The following NPAS3 variants were observed in gnomAD, a reference collection of about 807,000 sequenced individuals.
NPAS3 encodes the protein neuronal PAS domain-containing protein 3.
NPAS3 carries 14 observed loss-of-function variants against 73.1 expected under a neutral mutation model. That is an observed-to-expected ratio of 0.19 (90% CI 0.13 to 0.30). The LOEUF (loss-of-function observed/expected upper bound fraction) is 0.30, where lower values mean the gene tolerates loss of function less well. NPAS3 is among the 10% of genes least tolerant of loss of function. The pLI, the probability that NPAS3 is intolerant of heterozygous loss-of-function variation, is 1.00. For missense variants in NPAS3, 1,096 were observed against 1,250.0 expected (o/e 0.88, Z 1.86); for synonymous variants, 620 against 541.5 (o/e 1.14, Z -2.01).
intron 2 of NPAS3, among the ~76,000 whole-genome samples, chr14:33,151,910 G>A (rs1450126330): frequency 2.0e-5 from 3 of 152,268 alleles, no homozygotes; most frequent in Admixed American, 6.5e-5. Flanking sequence ...TCCAGAGACT[G>A]AGCGTATACA....
intron 7 of NPAS3, among the ~76,000 whole-genome samples, chr14:33,753,910 A>C (rs1019766647): frequency 8.5e-5 from 13 of 152,126 alleles, no homozygotes; most frequent in African/African-American, 3.1e-4. Context: ...CACAGTTCCC[A>C]GTGCCAGGGG....
At chr14:33,259,871 T>A (rs892522085) in intron 3 of NPAS3, among the ~76,000 whole-genome samples, 9 of 138,730 alleles carry the variant, frequency 6.5e-5, no homozygotes, top group East Asian at 2.1e-4. Context: ...TTTTTTTTTT[T>A]GAGAGAGCAA....
intron 2 of NPAS3, among the ~76,000 whole-genome samples, chr14:33,090,675 T>C (rs540296238): frequency 1.3e-5 from 2 of 152,184 alleles, no homozygotes; most frequent in South Asian, 4.1e-4. Context: ...AACTCTCCAC[T>C]CCAAATCAAC....
At chr14:33,004,572 C>A (rs772135631) in intron 1 of NPAS3, among the ~76,000 whole-genome samples, 1 of 152,036 alleles carries the variant, frequency 6.6e-6, no homozygotes, top group Non-Finnish European at 1.5e-5. Context: ...CATTATTGTA[C>A]ATTACTCCAG....
intron 1 of NPAS3, among the ~76,000 whole-genome samples, chr14:33,015,230 A>C (rs10148943): frequency 0.11 from 16,079 of 152,252 alleles, 1,493 homozygotes; most frequent in African/African-American, 0.25. Context: ...GGTTTGAGAC[A>C]AACTGTCTTC....
intron 9 of NPAS3, among the ~76,000 whole-genome samples, chr14:33,783,373 C>T (rs1273392305): frequency 6.6e-6 from 1 of 152,092 alleles, no homozygotes; most frequent in Non-Finnish European, 1.5e-5. Context: ...CTGGACTCTT[C>T]CCAGAGCAAG....
At chr14:33,095,224 A>G (rs886192807) in intron 2 of NPAS3, among the ~76,000 whole-genome samples, 6 of 152,162 alleles carry the variant, frequency 3.9e-5, no homozygotes, top group Non-Finnish European at 7.4e-5. Context: ...TAGGAGTGCA[A>G]TGAGTGTGTG....
At chr14:32,998,731 T>C (rs1030030363) in intron 1 of NPAS3, among the ~76,000 whole-genome samples, 3 of 152,164 alleles carry the variant, frequency 2.0e-5, no homozygotes, top group Non-Finnish European at 4.4e-5. Context: ...AAACACTTTG[T>C]TATTGTTGTT....
intron 5 of NPAS3, chr14:33,578,473 C>A (rs2056535800): frequency 2.7e-5 from 9 of 333,632 alleles, no homozygotes; most frequent in South Asian, 1.9e-4. Context: ...GGATTACAGG[C>A]ATAAGACACC....
chr14:33,247,166 C>G (rs536128592), intron 3 of NPAS3, among the ~76,000 whole-genome samples: 93 of 150,892 alleles, frequency 6.2e-4, no homozygotes, highest in African/African-American at 1.7e-3. Context: ...TACATTCTAT[C>G]TTAGAATATA....
intron 4 of NPAS3, among the ~76,000 whole-genome samples, chr14:33,545,355 G>C (rs910646124): frequency 2.0e-5 from 3 of 152,130 alleles, no homozygotes; most frequent in Admixed American, 1.3e-4. Flanking sequence ...AGGGTCCCAA[G>C]TCAAGTAATA....
intron 2 of NPAS3, among the ~76,000 whole-genome samples, chr14:33,196,130 G>A (rs566104328): frequency 3.2e-4 from 48 of 151,252 alleles, no homozygotes; most frequent in African/African-American, 1.1e-3. Flanking sequence ...CTTGTAGATC[G>A]TATTTGATTC....
chr14:32,993,792 A>G (rs1258011136), intron 1 of NPAS3, among the ~76,000 whole-genome samples: 1 of 152,236 alleles, frequency 6.6e-6, no homozygotes, highest in African/African-American at 2.4e-5. Context: ...GAAAATGGAA[A>G]AAAAATAAGA....
rs143602616 is a variant in NPAS3 at position 33,260,724 on chromosome 14, T to C, written c.385+45298T>C. 4.4e-3 allele frequency among the ~76,000 whole-genome samples: 669 copies of C among 152,300 alleles called. 3 individuals carry two copies. The highest frequency in any genetic ancestry group is 0.015 in the African/African-American group (637 of 41,564). On this transcript the variant is annotated intron_variant, in intron 3 of 11. Coordinates refer to ENST00000356141, the Ensembl canonical transcript of NPAS3. ...ATTTCCTGTCTGTACAAACCAAATA[T>C]CATTCATCTAATCTCTTTAACCTCT...
At chr14:33,340,255 G>A (rs914812333) in intron 3 of NPAS3, among the ~76,000 whole-genome samples, 1 of 152,206 alleles carries the variant, frequency 6.6e-6, no homozygotes, top group South Asian at 2.1e-4. Context: ...AGCACTTCGG[G>A]AGGCCGAGGC....
Position 33,342,676 on chromosome 14 carries a change from C to T in NPAS3, c.386-24510C>T, listed in dbSNP as rs551253890. On this transcript the variant is annotated intron_variant, in intron 3 of 11. Transcript: ENST00000356141. ...ATTTTATAAATTGACCTGACATTTC[C>T]ATTGTTTCCTCCTTGTATTATCTTG... 3.3e-5 allele frequency among the ~76,000 whole-genome samples: 5 copies of T among 152,114 alleles called. No homozygotes were observed. In the East Asian group the frequency reaches 9.7e-4, roughly 29 times the overall value.
At chr14:33,538,065 C>T (rs1412159165) in intron 4 of NPAS3, among the ~76,000 whole-genome samples, 2 of 151,650 alleles carry the variant, frequency 1.3e-5, no homozygotes, top group African/African-American at 2.4e-5. Context: ...TACATTGGAA[C>T]ACGAATTAAT....
intron 2 of NPAS3, among the ~76,000 whole-genome samples, chr14:33,136,920 A>G (rs553046551): frequency 6.6e-6 from 1 of 152,308 alleles, no homozygotes; most frequent in East Asian, 1.9e-4. Context: ...CTCCCGAAGG[A>G]CCAGGCTTAA....
At chr14:33,514,853 A>T (rs2053225338) in intron 4 of NPAS3, among the ~76,000 whole-genome samples, 1 of 152,072 alleles carries the variant, frequency 6.6e-6, no homozygotes, top group South Asian at 2.1e-4. Context: ...AGTTGACTCA[A>T]TTCAGTCTCC....
Sources: allele counts gnomAD v4.1 joint callset (sites outside exome capture counted in the v4.1 genomes callset), GRCh38; gene constraint gnomAD v4.1.1; transcripts MANE v1.5; gene names NCBI Gene and HGNC (gene_info 2026-07-23, HGNC 2026-07-21).